The following MTCH1 variants were observed in gnomAD, a reference collection of about 807,000 sequenced individuals.
MTCH1 encodes the protein mitochondrial carrier homolog 1.
Under a neutral mutation model 49.3 loss-of-function variants are expected in MTCH1, and 23 were observed. The observed-to-expected ratio is 0.47, with a 90% CI of 0.34 to 0.66. The LOEUF is 0.66. Ranked by LOEUF, MTCH1 falls within the 30% of genes least tolerant of loss-of-function variation. MTCH1 has a pLI of 0.01. For synonymous variants in MTCH1, 229 were observed against 215.2 expected, an observed-to-expected ratio of 1.06 and a Z score of -0.56; for missense variants, 397 against 532.1, an observed-to-expected ratio of 0.75 and a Z score of 2.50.
intron 11 of MTCH1, 68 bp downstream of exon 11, chr6:36,969,971 C>A (rs1187821134): frequency 6.3e-7 from 1 of 1,590,286 alleles, no homozygotes; most frequent in Middle Eastern, 1.7e-4. Context: ...GAAGCATCCA[C>A]AAAACCATTT....
chr6:36,972,048 T>C lies in MTCH1; in HGVS notation c.906+604A>G, dbSNP rs919316728. ...CCACAGCTAACAAAATAGGAGGGTG[T>C]ATCGGACTGTACACTTCCTAGCAGA... On this transcript the variant is annotated intron_variant, in intron 8 of 11. Coordinates refer to ENST00000373627, the MANE Select transcript of MTCH1 (RefSeq NM_001271641.2). The surrounding 1 kb of genome is among the most constrained non-coding windows in gnomAD (Gnocchi z 4.1). 6.6e-6 allele frequency among the ~76,000 whole-genome samples: 1 copy of C among 152,060 alleles called. No individual in the cohort carries two copies. Among genetic ancestry groups the C allele is most frequent in the Non-Finnish European group, 1.5e-5 (1 of 67,978 alleles).
Position 36,986,052 on chromosome 6 carries a change from C to G in MTCH1, c.122G>C (p.Arg41Pro). 2 of 1,477,812 alleles carry G rather than the reference C, an allele frequency of 1.4e-6. No individual in the cohort carries two copies. Among genetic ancestry groups the G allele is most frequent in the Non-Finnish European group, 1.8e-6 (2 of 1,122,060 alleles). 91.5% of individuals were successfully genotyped at this position (1,477,812 alleles called of 1,614,324 possible). The change falls in exon 1 of 12, where the codon CGC (arginine) becomes CCC (proline). Residue 41 changes from arginine (R) to proline (P), a missense_variant. Arg to Pro is a moderately radical substitution (Grantham distance 103, BLOSUM62 -2). Around this residue, in one of 2 missense-constraint regions of MTCH1, gnomAD observed 145 missense variants for 143.8 expected, o/e 1.01. Transcript: ENST00000373627. ...TGCGCGGTGCGCGGGCGGTGGATCGCGAGCTCGAGCCTCGACCCCCGCCGC... is the reference window on the plus strand; with the variant it reads ...TGCGCGGTGCGCGGGCGGTGGATCGGGAGCTCGAGCCTCGACCCCCGCCGC... Reference protein sequence around the residue: ...GAAAGVEARARDPPPAHRAHP... With the variant: ...GAAAGVEARAPDPPPAHRAHP...
intron 3 of MTCH1, 87 bp downstream of exon 3, chr6:36,978,418 G>T: frequency 7.4e-7 from 1 of 1,352,972 alleles, no homozygotes; most frequent in Non-Finnish European, 1.0e-6. Context: ...GAAGGAGGAG[G>T]CAAGACCAGG....
Position 36,978,092 on chromosome 6 carries a change from T to G in MTCH1, c.577A>C (p.Lys193Gln). Residue 193 changes from lysine (K) to glutamine (Q), a missense_variant, in exon 4 of 12, where the codon AAA (lysine) becomes CAA (glutamine). Physicochemically the swap from Lys to Gln is moderately conservative, Grantham distance 53. Transcript: ENST00000373627. Reference sequence around the variant, plus strand: ...TCAACACCCACCTCCTTCACAACTTTCTTCAGGGAAGTCTTCATATCATCC... The same window carrying G: ...TCAACACCCACCTCCTTCACAACTTGCTTCAGGGAAGTCTTCATATCATCC... ...NKDDMKTSLK[K>Q]VVKETSYEMM... 6.2e-7 allele frequency: 1 copy of G among 1,612,996 alleles called. No individual in the cohort carries two copies. The highest frequency in any genetic ancestry group is 8.5e-7 in the Non-Finnish European group (1 of 1,178,954).
rs542013475 is a variant in MTCH1, at chr6:36,970,616, G to A, written c.954+31C>T. The stretch of plus-strand genomic sequence containing the variant: ...AGGCCCCGCTTGGGTCCGCAAGGCA[G>A]TGGGAAGGAAGGACAGCTGGCACAA... On this transcript the variant is annotated intron_variant, in intron 9 of 11. Transcript: ENST00000373627. 1.2e-5 allele frequency: 19 copies of A among 1,614,050 alleles called. No homozygotes were observed. The African/African-American group carries it at 2.3e-4, about 19-fold the overall frequency.
At position 36,972,957 on chromosome 6, in the gene MTCH1, C is replaced by G. The variant is rs750031794; in HGVS notation, c.762-161G>C. ...GCCTGCAGGGTCCAGCAGCTATGCA[C>G]ACTGGGAAGATAGTGCTCCTTTTCC... On this transcript the variant is annotated intron_variant, in intron 7 of 11. Coordinates refer to ENST00000373627, the MANE Select transcript of MTCH1 (RefSeq NM_001271641.2). The surrounding 1 kb of genome is among the most constrained non-coding windows in gnomAD (Gnocchi z 4.1). 1.3e-5 allele frequency among the ~76,000 whole-genome samples: 2 copies of G among 152,132 alleles called. No individual in the cohort carries two copies. The highest frequency in any genetic ancestry group is 4.1e-4 in the South Asian group (2 of 4,832).
intron 6 of MTCH1, 57 bp from the exon 7 acceptor site, chr6:36,975,774 C>T: frequency 1.3e-6 from 2 of 1,552,292 alleles, no homozygotes; most frequent in Middle Eastern, 1.7e-4. Flanking sequence ...CAGAAGCCCA[C>T]CCGTTGGTGT....
In MTCH1 at chr6:36,968,939, G is replaced by A. The variant is rs147639756; in HGVS notation, c.1134C>T (p.Arg378=). ...CAAAGCATGATCCTGATGACACCCG[G>A]CGGAAAAGCAGGCTGGAGCCTCGGA... ...QLFRGSSLLF[R]RVSSGSCFAL... The change falls in exon 12 of 12, where the codon CGC becomes CGT. Residue 378 remains arginine, a synonymous_variant. Transcript: ENST00000373627. 2.2e-5 allele frequency: 36 copies of A among 1,614,120 alleles called. No homozygotes were observed. In the African/African-American group the frequency reaches 4.3e-4, roughly 19 times the overall value.
rs55902549 is a variant in MTCH1 at position 36,986,108 on chromosome 6, G to C, written c.66C>G (p.Ala22=). 1 of 1,438,316 alleles carries C rather than the reference G, an allele frequency of 7.0e-7. No individual in the cohort carries two copies. The highest frequency in any genetic ancestry group is 9.0e-7 in the Non-Finnish European group (1 of 1,106,418). 89.1% of individuals were successfully genotyped at this position (1,438,316 alleles called of 1,614,324 possible). A position where few individuals can be genotyped will look rare whatever the true frequency, so the allele number is the denominator to read the frequency against. ...ARGGAAGMAG[A]GAGAGARGGA... ...CGCCGCGAGCTCCGGCTCCAGCTCC[G>C]GCTCCCGCCATCCCCGCGGCACCGC... is the stretch of plus-strand genomic sequence containing the variant. The change falls in exon 1 of 12, where the codon GCC becomes GCG. Residue 22 remains alanine (A), a synonymous_variant. Coordinates refer to ENST00000373627, the MANE Select transcript of MTCH1 (RefSeq NM_001271641.2).
In MTCH1 at chr6:36,985,872, T is replaced by C. The variant is rs747290823; in HGVS notation, c.302A>G (p.Tyr101Cys). 3 of 1,559,338 alleles carry C rather than the reference T, an allele frequency of 1.9e-6. No individual in the cohort carries two copies. Among genetic ancestry groups the C allele is most frequent in the Non-Finnish European group, 2.6e-6 (3 of 1,151,654 alleles). Residue 101 changes from tyrosine to cysteine, a missense_variant, in exon 1 of 12, where the codon TAC becomes TGC. By Grantham distance (194) the Tyr-to-Cys change is radical. Around this residue, in one of 2 missense-constraint regions of MTCH1, gnomAD observed 252 missense variants for 388.3 expected, o/e 0.65. Coordinates refer to ENST00000373627, the MANE Select transcript of MTCH1 (RefSeq NM_001271641.2). ...GVTALSHPLL[Y>C]VKLLIQVGHE... The stretch of plus-strand genomic sequence containing the variant: ...CCCCACCTGGATGAGCAGCTTCACG[T>C]AGAGCAGGGGATGGCTGAGCGCCGT...
chr6:36,978,081 C>T lies in MTCH1; in HGVS notation c.588G>A (p.Lys196=). 1 of 1,611,836 alleles carries T rather than the reference C, an allele frequency of 6.2e-7. No homozygotes were observed. The highest frequency in any genetic ancestry group is 1.3e-5 in the African/African-American group (1 of 74,998). The change falls in exon 4 of 12, where the codon AAG becomes AAA. Residue 196 remains lysine (K), a synonymous_variant. Transcript: ENST00000373627. Reference sequence around the variant, plus strand: ...CTCTCCAACTCTCAACACCCACCTCCTTCACAACTTTCTTCAGGGAAGTCT... The same window carrying T: ...CTCTCCAACTCTCAACACCCACCTCTTTCACAACTTTCTTCAGGGAAGTCT... ...DMKTSLKKVV[K]ETSYEMMMQC... is the part of the protein sequence containing the mutation.
At chr6:36,976,119 G>A (rs898170716) in intron 6 of MTCH1, among the ~76,000 whole-genome samples, 1 of 152,100 alleles carries the variant, frequency 6.6e-6, no homozygotes, top group Admixed American at 6.5e-5. Context: ...CCGCCCAAGA[G>A]TAAGAGTAGG....
Position 36,977,850 on chromosome 6 carries a change from G to T in MTCH1, c.592-159C>A, listed in dbSNP as rs1440524126. Among the ~76,000 whole-genome samples the T allele has an allele frequency of 1.3e-5, 2 of 152,128 alleles. No individual in the cohort carries two copies. The highest frequency in any genetic ancestry group is 4.8e-5 in the African/African-American group (2 of 41,422). On this transcript the variant is annotated intron_variant, in intron 4 of 11. Coordinates refer to ENST00000373627, the MANE Select transcript of MTCH1 (RefSeq NM_001271641.2). This position sits in a 1 kb window ranked among gnomAD's most constrained non-coding sequence, Gnocchi z 5.4. ...GGCTCCACCTGTTGCCCACTCCCCA[G>T]TCCCCCACCCAGGAGTGCTGTCGGG...
In MTCH1 at chr6:36,978,515, C is replaced by A. The variant is rs747775404; in HGVS notation, c.503G>T (p.Ser168Ile). 14 of 1,613,948 alleles carry A rather than the reference C, an allele frequency of 8.7e-6. No homozygotes were observed. Among genetic ancestry groups the A allele is most frequent in the Non-Finnish European group, 1.2e-5 (14 of 1,179,958 alleles). The change falls in exon 3 of 12, where the codon AGC (serine) becomes ATC (isoleucine). Residue 168 changes from serine to isoleucine, a missense_variant. Physicochemically the swap from Ser to Ile is moderately radical, Grantham distance 142. Coordinates refer to ENST00000373627, the MANE Select transcript of MTCH1 (RefSeq NM_001271641.2). ...SNALSTVTRG[S>I]MKKVFPPDEI... Reference sequence around the variant, plus strand: ...TTTGTGTGGGCTCACCTTCTTCATGCTACCCCGAGTCACAGTAGAGAGGGC... The same window carrying A: ...TTTGTGTGGGCTCACCTTCTTCATGATACCCCGAGTCACAGTAGAGAGGGC...
intron 2 of MTCH1, among the ~76,000 whole-genome samples, chr6:36,979,041 G>A (rs544570261): frequency 1.3e-4 from 20 of 152,116 alleles, no homozygotes; most frequent in African/African-American, 3.9e-4. Flanking sequence ...GAAACTGCCC[G>A]CAGGGAATGA....
upstream of MTCH1, chr6:36,986,223 C>A: frequency 7.3e-7 from 1 of 1,378,594 alleles, no homozygotes; most frequent in South Asian, 1.6e-5. Flanking sequence ...GCCACGCCCC[C>A]TCACCGGCGT....
chr6:36,985,991 C>T lies in MTCH1; in HGVS notation c.183G>A (p.Ser61=), dbSNP rs1431643227. The change falls in exon 1 of 12, where the codon TCG becomes TCA. Residue 61 remains serine (S), a synonymous_variant. Transcript: ENST00000373627. ...PRHPRPAAQP[S]ARRMDGGSGG... ...CTGACCCGCCATCCATCCTGCGGGCCGAGGGCTGAGCCGCAGGCCGAGGGT... is the reference window on the plus strand; with the variant it reads ...CTGACCCGCCATCCATCCTGCGGGCTGAGGGCTGAGCCGCAGGCCGAGGGT... The T allele has an allele frequency of 1.3e-6, 2 of 1,544,010 alleles. No homozygotes were observed. Among genetic ancestry groups the T allele is most frequent in the Non-Finnish European group, 1.7e-6 (2 of 1,145,298 alleles).
intron 6 of MTCH1, among the ~76,000 whole-genome samples, chr6:36,976,131 G>C (rs1304747031): frequency 6.6e-6 from 1 of 152,146 alleles, no homozygotes; most frequent in Non-Finnish European, 1.5e-5. Context: ...AAGAGTAGGA[G>C]GGGGTAGTAA....
At position 36,972,691 on chromosome 6, in the gene MTCH1, G is replaced by T. The variant is rs370773744; in HGVS notation, c.867C>A (p.Thr289=). 2 of 1,551,786 alleles carry T rather than the reference G, an allele frequency of 1.3e-6. No homozygotes were observed. Among genetic ancestry groups the T allele is most frequent in the South Asian group, 2.4e-5 (2 of 84,052 alleles). ...TCTGGTCGTTTCCCAGCCCCCCTGG[G>T]GTGTCACTCACGCTGTCATCCACCA... ...AYLVDDSVSD[T]PGGLGNDQNP... Residue 289 remains threonine (T), a synonymous_variant, in exon 8 of 12, where the codon ACC becomes ACA. Coordinates refer to ENST00000373627, the MANE Select transcript of MTCH1 (RefSeq NM_001271641.2). This position sits in a 1 kb window ranked among gnomAD's most constrained non-coding sequence, Gnocchi z 4.1.
Sources: allele counts gnomAD v4.1 joint callset (sites outside exome capture counted in the v4.1 genomes callset), GRCh38; gene constraint gnomAD v4.1.1; regional missense constraint gnomAD v4.1.1; non-coding constraint Gnocchi (gnomAD v3.1); transcripts MANE v1.5; gene names NCBI Gene and HGNC (gene_info 2026-07-23, HGNC 2026-07-21).